ADGRB3: variants seen among roughly 807,000 people sequenced by gnomAD.
ADGRB3 encodes the protein adhesion G protein-coupled receptor B3.
Under a neutral mutation model 193.4 loss-of-function variants are expected in ADGRB3, and 37 were observed. The ratio of observed to expected loss-of-function variants is 0.19; its 90% CI spans 0.15 to 0.25. The LOEUF (loss-of-function observed/expected upper bound fraction) is 0.25, where lower values mean the gene tolerates loss of function less well. ADGRB3 is among the 10% of genes least tolerant of loss of function. The pLI, the probability that ADGRB3 is intolerant of heterozygous loss-of-function variation, is 1.00. For synonymous variants in ADGRB3, 690 were observed against 644.2 expected, an observed-to-expected ratio of 1.07 and a Z score of -1.08; for missense variants, 1,637 against 1,852.9, an observed-to-expected ratio of 0.88 and a Z score of 2.14.
intron 3 of ADGRB3, among the ~76,000 whole-genome samples, chr6:68,841,566 A>G (rs1170560862): frequency 1.3e-5 from 2 of 152,176 alleles, no homozygotes; most frequent in Admixed American, 1.3e-4. Context: ...ACAAATGGTA[A>G]TGGAAACACA....
chr6:68,673,761 G>C (rs1272839638), intron 3 of ADGRB3, among the ~76,000 whole-genome samples: 1 of 151,754 alleles, frequency 6.6e-6, no homozygotes, highest in Non-Finnish European at 1.5e-5. Context: ...TAGTGAACTT[G>C]GGAAGGTTTT....
At chr6:68,709,668 T>C (rs1020150805) in intron 3 of ADGRB3, among the ~76,000 whole-genome samples, 1 of 152,154 alleles carries the variant, frequency 6.6e-6, no homozygotes, top group African/African-American at 2.4e-5. Context: ...TTTTTTCAAA[T>C]AGTGTCATTT....
chr6:69,100,561 T>G (rs937525504), intron 17 of ADGRB3, among the ~76,000 whole-genome samples: 1 of 152,206 alleles, frequency 6.6e-6, no homozygotes, highest in South Asian at 2.1e-4. Flanking sequence ...TATTAAATGC[T>G]TTTTGGCTGT....
At chr6:69,327,792 T>C in intron 21 of ADGRB3, 28 bp from the exon 22 acceptor site, 1 of 1,597,418 alleles carries the variant, frequency 6.3e-7, no homozygotes, top group Non-Finnish European at 8.6e-7. Context: ...TAGCTAAATA[T>C]GAATGCGTGA....
intron 3 of ADGRB3, among the ~76,000 whole-genome samples, chr6:68,704,020 A>G (rs192096353): frequency 6.6e-6 from 1 of 152,212 alleles, no homozygotes. Flanking sequence ...GAAGCTTACT[A>G]GTGAAAAGTT....
chr6:68,709,960 C>T (rs973444694), intron 3 of ADGRB3, among the ~76,000 whole-genome samples: 1 of 152,096 alleles, frequency 6.6e-6, no homozygotes, highest in East Asian at 1.9e-4. Flanking sequence ...CTCTTCTCTC[C>T]CCTTTTTCTT....
intron 17 of ADGRB3, among the ~76,000 whole-genome samples, chr6:69,215,467 T>TGA (rs1190979833): frequency 6.6e-6 from 1 of 151,914 alleles, no homozygotes; most frequent in Non-Finnish European, 1.5e-5. Context: ...TGTGTGTGTG[T>TGA]GTGTGTGTGT....
chr6:69,203,222 G>T (rs1157733182), intron 17 of ADGRB3, among the ~76,000 whole-genome samples: 1 of 152,070 alleles, frequency 6.6e-6, no homozygotes, highest in Admixed American at 6.6e-5. Flanking sequence ...CTTAATCCTG[G>T]AAAGTACAAC....
At chr6:68,847,112 G>A (rs901256591) in intron 3 of ADGRB3, among the ~76,000 whole-genome samples, 17 of 152,136 alleles carry the variant, frequency 1.1e-4, no homozygotes, top group Admixed American at 1.1e-3. Context: ...ACTTGCATGG[G>A]CCCTGTAACC....
intron 3 of ADGRB3, among the ~76,000 whole-genome samples, chr6:68,707,644 C>T (rs1234018817): frequency 6.6e-6 from 1 of 152,062 alleles, no homozygotes; most frequent in African/African-American, 2.4e-5. Flanking sequence ...GAGAAATAAT[C>T]TTTGTTCTTA....
rs535894462 is a variant in ADGRB3 at position 68,790,602 on chromosome 6, C to T, written c.758-139957C>T. 3.3e-5 allele frequency among the ~76,000 whole-genome samples: 5 copies of T among 152,228 alleles called. No individual in the cohort carries two copies. The South Asian group carries it at 6.2e-4, about 19-fold the overall frequency. ...CTCTGAGACAAAACTTCCAGAGGAA[C>T]GATCAGGCAGCAGCATCTGCGGTTC... On this transcript the variant is annotated intron_variant, in intron 3 of 31. Coordinates refer to ENST00000370598, the MANE Select transcript of ADGRB3 (RefSeq NM_001704.3).
chr6:68,775,161 A>AAAAAAAAG (rs59836231), intron 3 of ADGRB3, among the ~76,000 whole-genome samples: 1 of 151,060 alleles, frequency 6.6e-6, no homozygotes, highest in Non-Finnish European at 1.5e-5. Context: ...AAAAAAAAAA[A>AAAAAAAAG]GTCTTTTAAT....
chr6:69,383,128 C>T (rs1429859980), intron 31 of ADGRB3, among the ~76,000 whole-genome samples, 193 bp downstream of exon 31: 2 of 151,942 alleles, frequency 1.3e-5, no homozygotes, highest in Non-Finnish European at 2.9e-5. Context: ...GCATTTTATT[C>T]ATATTTCAAA....
intron 17 of ADGRB3, among the ~76,000 whole-genome samples, chr6:69,195,975 T>C (rs1765286184): frequency 1.3e-5 from 2 of 152,142 alleles, no homozygotes; most frequent in African/African-American, 4.8e-5. Flanking sequence ...TAATAATTCA[T>C]GGAAAGGACA....
At chr6:69,016,985 A>C (rs1770111010) in intron 12 of ADGRB3, among the ~76,000 whole-genome samples, 1 of 151,940 alleles carries the variant, frequency 6.6e-6, no homozygotes, top group Non-Finnish European at 1.5e-5. Context: ...GTGATAACAA[A>C]AATCTTAGGC....
intron 3 of ADGRB3, among the ~76,000 whole-genome samples, chr6:68,787,596 A>G (rs1004098954): frequency 1.8e-4 from 28 of 151,962 alleles, no homozygotes; most frequent in African/African-American, 6.5e-4. Context: ...GTTCATCAAG[A>G]ATATTGGTCT....
intron 11 of ADGRB3, among the ~76,000 whole-genome samples, chr6:69,007,375 A>G (rs1354325938): frequency 1.3e-5 from 2 of 152,106 alleles, no homozygotes; most frequent in East Asian, 3.9e-4. Flanking sequence ...CCACTGTGGG[A>G]TCAAAGCCTC....
intron 3 of ADGRB3, among the ~76,000 whole-genome samples, chr6:68,766,591 T>A (rs1766511286): frequency 6.6e-6 from 1 of 152,044 alleles, no homozygotes; most frequent in African/African-American, 2.4e-5. Context: ...TTGAATATAA[T>A]TTTATATTTA....
chr6:68,876,434 C>T (rs549189635), intron 3 of ADGRB3, among the ~76,000 whole-genome samples: 1 of 152,276 alleles, frequency 6.6e-6, no homozygotes, highest in Admixed American at 6.5e-5. Flanking sequence ...TGAAAGGTGA[C>T]ACTAGTCCAC....
Sources: allele counts gnomAD v4.1 joint callset (sites outside exome capture counted in the v4.1 genomes callset), GRCh38; gene constraint gnomAD v4.1.1; transcripts MANE v1.5; gene names NCBI Gene and HGNC (gene_info 2026-07-23, HGNC 2026-07-21).